Variants in KIF26B observed in about 807,000 individuals in gnomAD.
The protein encoded by KIF26B is kinesin family member 26B.
Under a neutral mutation model 151.2 loss-of-function variants are expected in KIF26B, and 63 were observed. The observed-to-expected ratio is 0.42, with a 90% CI of 0.34 to 0.51. The LOEUF is 0.51. Among genes scored for constraint, KIF26B ranks in the 20% least tolerant of loss-of-function variants. The pLI, the probability that KIF26B is intolerant of heterozygous loss-of-function variation, is 0.07. For synonymous variants in KIF26B, 1,357 were observed against 1,262.1 expected (o/e 1.08, Z -1.59); for missense variants, 2,813 against 2,913.6 (o/e 0.97, Z 0.79).
At chr1:245,696,685 G>T (rs559898755) in intron 12 of KIF26B, among the ~76,000 whole-genome samples, 1 of 152,202 alleles carries the variant, frequency 6.6e-6, no homozygotes, top group African/African-American at 2.4e-5. Flanking sequence ...GGTGTCTCAC[G>T]CTAAGGAGAC....
intron 2 of KIF26B, among the ~76,000 whole-genome samples, chr1:245,291,725 C>A (rs1671255486): frequency 1.3e-5 from 2 of 152,180 alleles, no homozygotes; most frequent in South Asian, 4.1e-4. Context: ...AGGGGACCTG[C>A]CTTGTTGAGG....
Position 245,540,774 on chromosome 1 carries a change from C to G in KIF26B, c.1174C>G (p.Gln392Glu), listed in dbSNP as rs748513532. Residue 392 changes from glutamine (Q) to glutamate (E), a missense_variant, in exon 5 of 15, where the codon CAG becomes GAG. Gln to Glu is a conservative substitution (Grantham distance 29). Around this residue, in one of 3 missense-constraint regions of KIF26B, gnomAD observed 676 missense variants for 688.1 expected, o/e 0.98. Transcript: ENST00000407071. The surrounding 1 kb of genome is among the most constrained non-coding windows in gnomAD (Gnocchi z 4.6). Reference sequence around the variant, plus strand: ...TTCCTTTTTCCACTCCAGAGCTGCCCAGAAGTTAAATCTGTCTTCTAAAAA... The same window carrying G: ...TTCCTTTTTCCACTCCAGAGCTGCCGAGAAGTTAAATCTGTCTTCTAAAAA... ...VAASFFARAAQKLNLSSKKKK... is the reference protein window; with the variant it reads ...VAASFFARAAEKLNLSSKKKK... 1.9e-6 allele frequency: 3 copies of G among 1,613,754 alleles called. No homozygotes were observed. In the East Asian group the frequency reaches 6.7e-5, roughly 36 times the overall value.
At chr1:245,313,332 C>G (rs1368955088) in intron 2 of KIF26B, among the ~76,000 whole-genome samples, 2 of 152,216 alleles carry the variant, frequency 1.3e-5, no homozygotes, top group African/African-American at 4.8e-5. Context: ...CTCATGACTT[C>G]CATGTCAGCA....
intron 5 of KIF26B, among the ~76,000 whole-genome samples, chr1:245,575,270 T>C (rs2043108124): frequency 6.6e-6 from 1 of 151,468 alleles, no homozygotes; most frequent in Non-Finnish European, 1.5e-5. Flanking sequence ...ATGTCAGGAG[T>C]TCGAGACCAG....
At chr1:245,467,270 C>A (rs77179166) in intron 4 of KIF26B, among the ~76,000 whole-genome samples, 1 of 152,216 alleles carries the variant, frequency 6.6e-6, no homozygotes, top group Non-Finnish European at 1.5e-5. Flanking sequence ...AAAAGTGGCA[C>A]CAAGATGATG....
rs187450526 is a variant in KIF26B at position 245,402,993 on chromosome 1, G to A, written c.1000-16586G>A. Among the ~76,000 whole-genome samples, 6 of 152,236 alleles carry A rather than the reference G, an allele frequency of 3.9e-5. No homozygotes were observed. The East Asian group carries it at 1.2e-3, about 29-fold the overall frequency. The stretch of plus-strand genomic sequence containing the variant: ...GTATTTATTTTTATTTTTAGAAATG[G>A]GGTCTCACTCTGTTGCCCATGCTGG... On this transcript the variant is annotated intron_variant, in intron 3 of 14. Transcript: ENST00000407071.
chr1:245,490,375 G>T (rs1278104985), intron 4 of KIF26B, among the ~76,000 whole-genome samples: 1 of 140,198 alleles, frequency 7.1e-6, no homozygotes. Flanking sequence ...GCAGTGGCGC[G>T]ATCTCGGCTC....
intron 4 of KIF26B, among the ~76,000 whole-genome samples, chr1:245,482,861 T>C (rs1660197239): frequency 6.6e-6 from 1 of 151,808 alleles, no homozygotes; most frequent in African/African-American, 2.4e-5. Context: ...CCAGGTAGTC[T>C]GTGTTGTTGA....
At chr1:245,549,481 A>G (rs1661827521) in intron 5 of KIF26B, among the ~76,000 whole-genome samples, 2 of 152,226 alleles carry the variant, frequency 1.3e-5, no homozygotes. Flanking sequence ...ATTTTAAGCT[A>G]ACATTCCCAG....
rs377414344 is a variant in KIF26B, at chr1:245,612,109, A to T, written c.2098+133A>T. ...GTGTGTGTGTGTGTGTGTGTGTGAGAGAGAGAGAGAGAGAGAGAGAGACAG... is the reference window on the plus strand; with the variant it reads ...GTGTGTGTGTGTGTGTGTGTGTGAGTGAGAGAGAGAGAGAGAGAGAGACAG... On this transcript the variant is annotated intron_variant, in intron 9 of 14. Transcript: ENST00000407071. The T allele has an allele frequency of 4.1e-3, 1,857 of 453,456 alleles. 4 individuals carry two copies. The highest frequency in any genetic ancestry group is 0.014 in the African/African-American group (604 of 43,066). The allele number at this position is 453,456 out of a possible 1,614,324, so 28.1% of individuals were successfully genotyped here. A position where few individuals can be genotyped will look rare whatever the true frequency, so the allele number is the denominator to read the frequency against.
chr1:245,499,587 T>C (rs957131093), intron 4 of KIF26B, among the ~76,000 whole-genome samples: 32 of 152,356 alleles, frequency 2.1e-4, no homozygotes, highest in African/African-American at 6.3e-4. Flanking sequence ...GAGTATAATT[T>C]GAGTAAGCCA....
rs201409105 is a variant in KIF26B at position 245,659,887 on chromosome 1, G to GA, written c.2258+13621dup. On this transcript the variant is annotated intron_variant, in intron 10 of 14. Coordinates refer to ENST00000407071, the MANE Select transcript of KIF26B (RefSeq NM_018012.4). ...AACCCAATATCTACTAAAAATACAA[G>GA]AAAAAAAAAAAAAAGCCAGGCGTGG... Among the ~76,000 whole-genome samples the GA allele has an allele frequency of 8.1e-3, 1,052 of 130,500 alleles. 9 individuals are homozygous for GA. Among genetic ancestry groups the GA allele is most frequent in the African/African-American group, 0.02 (716 of 35,470 alleles). The allele number at this position is 130,500 out of a possible 152,430, so 85.6% of individuals were successfully genotyped here.
intron 5 of KIF26B, among the ~76,000 whole-genome samples, chr1:245,585,493 G>A (rs938463676): frequency 3.3e-5 from 5 of 151,924 alleles, no homozygotes; most frequent in African/African-American, 1.2e-4. Context: ...GTGATCCTGA[G>A]GATGGAGGAG....
At chr1:245,408,306 A>G (rs1674185759) in intron 3 of KIF26B, among the ~76,000 whole-genome samples, 1 of 151,916 alleles carries the variant, frequency 6.6e-6, no homozygotes, top group Admixed American at 6.6e-5. Flanking sequence ...TTATTCAAAT[A>G]ATCCTAATTA....
At position 245,344,080 on chromosome 1, in the gene KIF26B, G is replaced by A. The variant is rs527250209; in HGVS notation, c.466-22754G>A. ...TCCTTCCCTCCTTCCTCCCTGCCTC[G>A]CTGCCTCCCTCCCTCCCTCTTTTCT... On this transcript the variant is annotated intron_variant, in intron 2 of 14. Transcript: ENST00000407071. Among the ~76,000 whole-genome samples the A allele has an allele frequency of 3.5e-3, 471 of 134,906 alleles. 3 individuals are homozygous for A. Among genetic ancestry groups the A allele is most frequent in the Non-Finnish European group, 5.7e-3 (379 of 66,196 alleles). 88.5% of individuals were successfully genotyped at this position (134,906 alleles called of 152,430 possible). A position where few individuals can be genotyped will look rare whatever the true frequency, so the allele number is the denominator to read the frequency against.
intron 5 of KIF26B, among the ~76,000 whole-genome samples, chr1:245,552,491 C>T (rs1661914627): frequency 6.6e-6 from 1 of 152,112 alleles, no homozygotes; most frequent in African/African-American, 2.4e-5. Flanking sequence ...CAAATTGACA[C>T]ATTACCATCG....
intron 5 of KIF26B, among the ~76,000 whole-genome samples, chr1:245,561,065 C>T (rs77571919): frequency 0.051 from 7,788 of 152,238 alleles, 292 homozygotes; most frequent in African/African-American, 0.099. Flanking sequence ...AGTGCTACCC[C>T]GGAGGCCAGT....
intron 3 of KIF26B, among the ~76,000 whole-genome samples, chr1:245,401,606 C>T (rs1037696834): frequency 2.6e-5 from 4 of 152,182 alleles, no homozygotes; most frequent in Non-Finnish European, 4.4e-5. Context: ...CGGTGGCTCA[C>T]GCCTGTAATC....
rs2363905 is a variant in KIF26B at position 245,495,164 on chromosome 1, C to T, written c.1167-45603C>T. ...GATTAGATTTAGTACAAGACAGATTCAGTGAAATGGAATGCAAATCAGTTG... is the reference window on the plus strand; with the variant it reads ...GATTAGATTTAGTACAAGACAGATTTAGTGAAATGGAATGCAAATCAGTTG... On this transcript the variant is annotated intron_variant, in intron 4 of 14. Coordinates refer to ENST00000407071, the MANE Select transcript of KIF26B (RefSeq NM_018012.4). The surrounding 1 kb of genome is among the most constrained non-coding windows in gnomAD (Gnocchi z 4.2). Among the ~76,000 whole-genome samples the T allele has an allele frequency of 0.99, 150,143 of 152,324 alleles. 74,033 individuals carry two copies. Among genetic ancestry groups the T allele is most frequent in the Middle Eastern group, 1 (294 of 294 alleles).
Sources: allele counts gnomAD v4.1 joint callset (sites outside exome capture counted in the v4.1 genomes callset), GRCh38; gene constraint gnomAD v4.1.1; regional missense constraint gnomAD v4.1.1; non-coding constraint Gnocchi (gnomAD v3.1); transcripts MANE v1.5; gene names NCBI Gene and HGNC (gene_info 2026-07-23, HGNC 2026-07-21).